LGSN: variants seen among roughly 807,000 people sequenced by gnomAD.
LGSN encodes the protein lengsin, lens protein with glutamine synthetase domain, also known as lengsin.
In LGSN, 21 loss-of-function variants were observed where a neutral mutation model predicts 19.5. The ratio of observed to expected loss-of-function variants is 1.07; its 90% CI spans 0.76 to 1.55. The LOEUF is 1.55. Ranked by LOEUF, LGSN falls within the 40% of genes most tolerant of loss-of-function variation. LGSN has a pLI of 0.00. For missense variants in LGSN, 673 were observed against 608.5 expected, an observed-to-expected ratio of 1.11 and a Z score of -1.12; for synonymous variants, 257 against 215.6, an observed-to-expected ratio of 1.19 and a Z score of -1.68.
At chr6:63,521,640 G>C in the LGSN span, 1 of 152,160 alleles carries the variant, frequency 6.6e-6, no homozygotes, top group Non-Finnish European at 1.5e-5. Flanking sequence ...CTGTCCCCTT[G>C]AACTGTATAA....
the LGSN span, among the ~76,000 whole-genome samples, chr6:63,347,209 G>A: frequency 6.6e-6 from 1 of 152,062 alleles, no homozygotes; most frequent in East Asian, 1.9e-4. Context: ...GAGTAGGAGA[G>A]GGAAAAACAA....
At chr6:63,327,061 G>C in the LGSN span, among the ~76,000 whole-genome samples, 1 of 152,212 alleles carries the variant, frequency 6.6e-6, no homozygotes, top group Non-Finnish European at 1.5e-5. Context: ...TTGGCAATTT[G>C]GCTGATGACC....
At chr6:63,536,584 C>A in the LGSN span, among the ~76,000 whole-genome samples, 7 of 152,042 alleles carry the variant, frequency 4.6e-5, no homozygotes, top group Non-Finnish European at 8.8e-5. Flanking sequence ...TAATTTTTAT[C>A]CTGTTTTAAA....
At chr6:63,548,022 T>C in the LGSN span, among the ~76,000 whole-genome samples, 1 of 152,208 alleles carries the variant, frequency 6.6e-6, no homozygotes, top group South Asian at 2.1e-4. Context: ...TAATTCCCTC[T>C]AGGGATTCCC....
the LGSN span, among the ~76,000 whole-genome samples, chr6:63,412,518 G>GAAAGAA: frequency 4.0e-5 from 4 of 99,874 alleles, no homozygotes; most frequent in East Asian, 8.5e-4. Flanking sequence ...AAGAAAGAAA[G>GAAAGAA]AAAGAAAGAA....
At chr6:63,412,518 G>GAAAGAAGT in the LGSN span, among the ~76,000 whole-genome samples, 1 of 99,792 alleles carries the variant, frequency 1.0e-5, no homozygotes, top group Non-Finnish European at 2.0e-5. Flanking sequence ...AAGAAAGAAA[G>GAAAGAAGT]AAAGAAAGAA....
chr6:63,322,632 G>C (rs562729064), upstream of LGSN, among the ~76,000 whole-genome samples: 14 of 152,202 alleles, frequency 9.2e-5, 1 homozygote, highest in South Asian at 2.9e-3. Context: ...AGTAATATTT[G>C]AGCTTCCCTA....
At chr6:63,455,714 A>T in the LGSN span, among the ~76,000 whole-genome samples, 33,385 of 151,946 alleles carry the variant, frequency 0.22, 4,865 homozygotes, top group Non-Finnish European at 0.3. Flanking sequence ...AGATCGCATC[A>T]TTGCACTCCA....
the LGSN span, among the ~76,000 whole-genome samples, chr6:63,365,665 G>A: frequency 3.3e-5 from 5 of 152,260 alleles, no homozygotes; most frequent in South Asian, 8.3e-4. Context: ...TATTCCTGAT[G>A]AACATCAATG....
At chr6:63,480,940 G>GAGATT in the LGSN span, among the ~76,000 whole-genome samples, 1 of 59,868 alleles carries the variant, frequency 1.7e-5, no homozygotes, top group African/African-American at 4.5e-5. Flanking sequence ...TAAAGAAAAT[G>GAGATT]ATATATATAT....
chr6:63,378,543 T>C, the LGSN span, among the ~76,000 whole-genome samples: 1 of 152,172 alleles, frequency 6.6e-6, no homozygotes, highest in East Asian at 1.9e-4. Context: ...ATTTGGCTCA[T>C]AGTTCTGCAG....
At chr6:63,389,384 T>C in the LGSN span, among the ~76,000 whole-genome samples, 4 of 152,256 alleles carry the variant, frequency 2.6e-5, no homozygotes, top group African/African-American at 9.6e-5. Flanking sequence ...TATGTGTTCA[T>C]TCTTAAACAA....
chr6:63,283,140 T>G (rs9361541), intron 3 of LGSN, among the ~76,000 whole-genome samples: 15,498 of 152,162 alleles, frequency 0.1, 1,191 homozygotes, highest in Admixed American at 0.23. Flanking sequence ...CATATTTTTT[T>G]GAACACTCTT....
chr6:63,550,093 A>G, the LGSN span, among the ~76,000 whole-genome samples: 1 of 152,196 alleles, frequency 6.6e-6, no homozygotes, highest in Non-Finnish European at 1.5e-5. Context: ...TTATGTGTCA[A>G]CTTGAAACGT....
the LGSN span, among the ~76,000 whole-genome samples, chr6:63,539,873 T>C: frequency 6.6e-6 from 1 of 152,148 alleles, no homozygotes; most frequent in South Asian, 2.1e-4. Flanking sequence ...ATCAGAGGTA[T>C]ACACATTTTT....
the LGSN span, among the ~76,000 whole-genome samples, chr6:63,353,913 T>C: frequency 6.6e-6 from 1 of 152,112 alleles, no homozygotes; most frequent in Non-Finnish European, 1.5e-5. Flanking sequence ...CCGTCTTCAA[T>C]AAATGGTGCT....
the LGSN span, among the ~76,000 whole-genome samples, chr6:63,390,859 C>CA: frequency 0.071 from 3,521 of 49,690 alleles, 166 homozygotes; most frequent in African/African-American, 0.17. Flanking sequence ...GACTCCATCT[C>CA]AAAAAAAAAA....
chr6:63,323,010 T>C (rs1436535309), upstream of LGSN, among the ~76,000 whole-genome samples: 1 of 152,248 alleles, frequency 6.6e-6, no homozygotes, highest in Non-Finnish European at 1.5e-5. Context: ...GTTGATACAA[T>C]TTAAAACTAG....
At chr6:63,411,491 C>T in the LGSN span, among the ~76,000 whole-genome samples, 1 of 152,134 alleles carries the variant, frequency 6.6e-6, no homozygotes, top group Non-Finnish European at 1.5e-5. Flanking sequence ...GCTGCTCACA[C>T]TATTAATGGT....
Sources: allele counts gnomAD v4.1 joint callset (sites outside exome capture counted in the v4.1 genomes callset), GRCh38; gene constraint gnomAD v4.1.1; transcripts MANE v1.5; gene names NCBI Gene and HGNC (gene_info 2026-07-23, HGNC 2026-07-21).